The following WDR44 variants were observed in gnomAD, a reference collection of about 807,000 sequenced individuals.
WDR44 encodes WD repeat domain 44.
WDR44 carries 9 observed loss-of-function variants against 65.7 expected under a neutral mutation model. That is an observed-to-expected ratio of 0.14 (90% confidence interval 0.08 to 0.24). The LOEUF is 0.24. WDR44 is among the 10% of genes least tolerant of loss of function. WDR44 has a pLI of 1.00. For missense variants in WDR44, 425 were observed against 670.9 expected (o/e 0.63, Z 4.05); for synonymous variants, 220 against 235.2 (o/e 0.94, Z 0.59).
At chrX:118,425,711 G>A (rs1270239698) in intron 12 of WDR44, among the ~76,000 whole-genome samples, 1 of 112,065 alleles carries the variant, frequency 8.9e-6, no homozygotes, top group Non-Finnish European at 1.9e-5. Flanking sequence ...CAGTATATCT[G>A]CTACATATTG....
rs761901843 is a variant in WDR44 at position 118,378,429 on chromosome X, A to G, written c.88A>G (p.Lys30Glu). Residue 30 changes from lysine (K) to glutamate (E), a missense_variant, in exon 2 of 20, where the codon AAA (lysine) becomes GAA (glutamate). Lys to Glu is a moderately conservative substitution (Grantham distance 56). Transcript: ENST00000254029. ...GGGYPVGSPG[K>E]VGLSTFKETE... ...TTTATTTCTGAACAGGTCTCCAGGA[A>G]AAGTTGGGCTTTCAACATTCAAGGT... 4 of 1,209,676 alleles carry G rather than the reference A, an allele frequency of 3.3e-6. No homozygotes were observed. The South Asian group carries it at 7.1e-5, about 21-fold the overall frequency.
At chrX:118,437,402 A>T (rs1272819563) in intron 14 of WDR44, among the ~76,000 whole-genome samples, 1 of 111,724 alleles carries the variant, frequency 9.0e-6, no homozygotes, top group African/African-American at 3.2e-5. Flanking sequence ...CCCTTAGAGG[A>T]TGGAGCCACC....
At chrX:118,347,141 A>C (rs1376332862) in intron 1 of WDR44, among the ~76,000 whole-genome samples, 1 of 111,556 alleles carries the variant, frequency 9.0e-6, no homozygotes, top group Non-Finnish European at 1.9e-5. Context: ...TAGCGAATGT[A>C]CTCTAGATCA....
chrX:118,370,979 A>G (rs1472551971), intron 1 of WDR44, among the ~76,000 whole-genome samples: 1 of 110,915 alleles, frequency 9.0e-6, no homozygotes, highest in African/African-American at 3.3e-5. Flanking sequence ...ATAAGGGATT[A>G]ATACCCACAG....
chrX:118,368,878 G>A lies in WDR44; in HGVS notation c.78-9541G>A, dbSNP rs754389383. 2.7e-3 allele frequency among the ~76,000 whole-genome samples: 284 copies of A among 106,705 alleles called. 1 individual carries two copies. The highest frequency in any genetic ancestry group is 4.2e-3 in the Admixed American group (42 of 9,890). The allele number at this position is 106,705 out of a possible 115,157, so 92.7% of individuals were successfully genotyped here. Reference sequence around the variant, plus strand: ...ACTACGGGTGTGCACCACCACACCTGGCTAATTTTTTTTTTCTTTTTGTAT... The same window carrying A: ...ACTACGGGTGTGCACCACCACACCTAGCTAATTTTTTTTTTCTTTTTGTAT... On this transcript the variant is annotated intron_variant, in intron 1 of 19. Transcript: ENST00000254029.
At chrX:118,369,419 C>T (rs1325941051) in intron 1 of WDR44, among the ~76,000 whole-genome samples, 1 of 107,467 alleles carries the variant, frequency 9.3e-6, no homozygotes, top group South Asian at 4.2e-4. Context: ...GATCCGCCCG[C>T]CTCGGCCTCC....
In WDR44 at chrX:118,409,210, C is replaced by T. The variant is rs1033791670; in HGVS notation, c.1534-279C>T. Among the ~76,000 whole-genome samples the T allele has an allele frequency of 2.5e-4, 28 of 111,104 alleles. 1 individual carries two copies. Among genetic ancestry groups the T allele is most frequent in the African/African-American group, 9.2e-4 (28 of 30,580 alleles). On this transcript the variant is annotated intron_variant, in intron 10 of 19. Transcript: ENST00000254029. Reference sequence around the variant, plus strand: ...AATGGCGCGGTCTTGACTCACTGCACCCTTCACCTCCCAGGTTCAAGTGAT... The same window carrying T: ...AATGGCGCGGTCTTGACTCACTGCATCCTTCACCTCCCAGGTTCAAGTGAT...
At chrX:118,416,244 G>A (rs892649992) in intron 12 of WDR44, among the ~76,000 whole-genome samples, 3 of 111,237 alleles carry the variant, frequency 2.7e-5, no homozygotes, top group African/African-American at 9.8e-5. Flanking sequence ...GTTTGTTCTT[G>A]TTTCTCTAGT....
At chrX:118,402,499 G>A (rs1213299569) in intron 8 of WDR44, among the ~76,000 whole-genome samples, 1 of 105,389 alleles carries the variant, frequency 9.5e-6, no homozygotes, top group Non-Finnish European at 1.9e-5. Flanking sequence ...TGTAATCCGA[G>A]CACTTTGGGA....
intron 12 of WDR44, among the ~76,000 whole-genome samples, chrX:118,431,176 A>G (rs1012618069): frequency 8.9e-6 from 1 of 111,999 alleles, no homozygotes; most frequent in Non-Finnish European, 1.9e-5. Context: ...ATTACTGCCC[A>G]GAGTTCTTTT....
At chrX:118,370,130 A>G (rs1450968385) in intron 1 of WDR44, among the ~76,000 whole-genome samples, 1 of 112,488 alleles carries the variant, frequency 8.9e-6, no homozygotes, top group Non-Finnish European at 1.9e-5. Context: ...AGCACAGGCA[A>G]CAAAAGCAAA....
At chrX:118,406,328 G>A (rs745911915) in intron 9 of WDR44, among the ~76,000 whole-genome samples, 2 of 111,165 alleles carry the variant, frequency 1.8e-5, no homozygotes, top group East Asian at 5.6e-4. Flanking sequence ...CACTTTGGAA[G>A]GCTAAGGCAG....
intron 12 of WDR44, among the ~76,000 whole-genome samples, chrX:118,427,573 T>A (rs1293640334): frequency 3.7e-5 from 4 of 107,910 alleles, no homozygotes; most frequent in Non-Finnish European, 7.7e-5. Context: ...CCCGGCAAAA[T>A]GGGCAGACAT....
chrX:118,353,541 C>T (rs1186519994), intron 1 of WDR44, among the ~76,000 whole-genome samples: 1 of 112,085 alleles, frequency 8.9e-6, no homozygotes, highest in Non-Finnish European at 1.9e-5. Flanking sequence ...TTTAAGTCCA[C>T]AAAACCTTTT....
intron 12 of WDR44, 120 bp downstream of exon 12, chrX:118,411,079 G>T (rs1176643155): frequency 1.8e-6 from 1 of 569,621 alleles, no homozygotes; most frequent in Non-Finnish European, 2.6e-6. Context: ...AAATTAAGAT[G>T]TATCATTAGA....
At chrX:118,436,645 A>T in intron 13 of WDR44, 57 bp from the exon 14 acceptor site, 1 of 1,155,190 alleles carries the variant, frequency 8.7e-7, no homozygotes. Context: ...CTTTTATTGT[A>T]TAAATAGGGT....
chrX:118,368,480 T>C (rs900329229), intron 1 of WDR44, among the ~76,000 whole-genome samples: 5 of 98,615 alleles, frequency 5.1e-5, no homozygotes, highest in East Asian at 3.4e-4. Flanking sequence ...TATATATATA[T>C]ACTTCTTGAG....
At chrX:118,425,211 G>A (rs1480848269) in intron 12 of WDR44, among the ~76,000 whole-genome samples, 2 of 111,989 alleles carry the variant, frequency 1.8e-5, no homozygotes, top group African/African-American at 3.2e-5. Flanking sequence ...ATGTCGATGC[G>A]GGGATCAGAA....
At position 118,349,251 on chromosome X, in the gene WDR44, CT is replaced by C. The variant is rs765771323; in HGVS notation, c.77+2684del. On this transcript the variant is annotated intron_variant, in intron 1 of 19. Transcript: ENST00000254029. ...TTTTCTTTATTTTCTTTTTTCTTTT[CT>C]TTTTTTTTTTTTCCAAGATAGGGTC... is the stretch of plus-strand genomic sequence containing the variant. 4.8e-3 allele frequency among the ~76,000 whole-genome samples: 484 copies of C among 100,229 alleles called. 2 individuals are homozygous for C. The highest frequency in any genetic ancestry group is 0.011 in the South Asian group (27 of 2,371). 87.0% of individuals were successfully genotyped at this position (100,229 alleles called of 115,157 possible).
Sources: allele counts gnomAD v4.1 joint callset (sites outside exome capture counted in the v4.1 genomes callset), GRCh38; gene constraint gnomAD v4.1.1; transcripts MANE v1.5; gene names NCBI Gene and HGNC (gene_info 2026-07-23, HGNC 2026-07-21).